Variants in PARPBP observed in about 807,000 individuals in gnomAD.
PARPBP encodes PCNA-interacting partner.
Under a neutral mutation model 50.0 loss-of-function variants are expected in PARPBP, and 52 were observed. The observed-to-expected ratio is 1.04, with a 90% CI of 0.83 to 1.31. The LOEUF is 1.31. PARPBP is among the 50% of genes most tolerant of loss of function. The probability of loss-of-function intolerance (pLI) is 0.00; values close to 1 mark genes in which losing one functional copy is unlikely to be tolerated. For synonymous variants in PARPBP, 244 were observed against 232.1 expected, an observed-to-expected ratio of 1.05 and a Z score of -0.47; for missense variants, 697 against 672.0, an observed-to-expected ratio of 1.04 and a Z score of -0.41.
chr12:102,179,638 C>A (rs912655123), intron 8 of PARPBP, among the ~76,000 whole-genome samples: 1 of 152,134 alleles, frequency 6.6e-6, no homozygotes, highest in Non-Finnish European at 1.5e-5. Context: ...TTGGATCCCA[C>A]CCATGTGACC....
chr12:102,166,589 C>T (rs1046578544), intron 6 of PARPBP, among the ~76,000 whole-genome samples: 2 of 152,084 alleles, frequency 1.3e-5, no homozygotes, highest in African/African-American at 4.8e-5. Flanking sequence ...ATTACAACAA[C>T]CTGACTTGAT....
At chr12:102,159,127 G>A (rs1278863493) in intron 4 of PARPBP, among the ~76,000 whole-genome samples, 1 of 152,042 alleles carries the variant, frequency 6.6e-6, no homozygotes, top group African/African-American at 2.4e-5. Context: ...TTGGAAGTCA[G>A]TGTATTTCTT....
At chr12:102,160,608 A>G (rs900538237) in intron 4 of PARPBP, among the ~76,000 whole-genome samples, 1 of 152,238 alleles carries the variant, frequency 6.6e-6, no homozygotes, top group African/African-American at 2.4e-5. Context: ...CTTGTGTAAT[A>G]GAAGTATTGT....
chr12:102,181,628 A>G (rs978040233), intron 8 of PARPBP, among the ~76,000 whole-genome samples: 2 of 152,204 alleles, frequency 1.3e-5, no homozygotes, highest in African/African-American at 2.4e-5. Context: ...ACATGACCGT[A>G]TTATAAACAA....
intron 2 of PARPBP, among the ~76,000 whole-genome samples, chr12:102,133,805 G>A (rs1883214458): frequency 6.6e-6 from 1 of 152,032 alleles, no homozygotes; most frequent in Non-Finnish European, 1.5e-5. Context: ...TCTGATTACA[G>A]TGGTATGAAA....
chr12:102,196,464 C>T lies in PARPBP; in HGVS notation c.*173C>T, dbSNP rs572027456. 1.2e-5 allele frequency: 9 copies of T among 721,486 alleles called. No individual in the cohort carries two copies. In the South Asian group the frequency reaches 1.6e-4, roughly 13 times the overall value. 44.7% of individuals were successfully genotyped at this position (721,486 alleles called of 1,614,324 possible). A position where few individuals can be genotyped will look rare whatever the true frequency, so the allele number is the denominator to read the frequency against. The stretch of plus-strand genomic sequence containing the variant: ...AAAATACTAGTAAGTCATAATTATG[C>T]AGAATTTTCACAAAGTTTAATGCAC... On this transcript the variant is annotated 3_prime_UTR_variant, in exon 11 of 11. Coordinates refer to ENST00000327680, the MANE Select transcript of PARPBP (RefSeq NM_017915.5).
chr12:102,150,257 G>T (rs996821121), intron 3 of PARPBP: 2 of 455,084 alleles, frequency 4.4e-6, no homozygotes, highest in Non-Finnish European at 4.4e-6. Flanking sequence ...ACTATTGTTT[G>T]TTCTAGGGAA....
chr12:102,185,350 C>G (rs775689646), intron 9 of PARPBP, among the ~76,000 whole-genome samples: 2 of 152,082 alleles, frequency 1.3e-5, no homozygotes, highest in Admixed American at 6.6e-5. Flanking sequence ...TTGCATATGT[C>G]GAACCATTCT....
intron 2 of PARPBP, among the ~76,000 whole-genome samples, chr12:102,141,440 A>G (rs964015012): frequency 2.1e-4 from 32 of 152,014 alleles, no homozygotes; most frequent in African/African-American, 7.2e-4. Context: ...TCTTTATCCA[A>G]TTTGCCAGTC....
intron 1 of PARPBP, among the ~76,000 whole-genome samples, chr12:102,122,787 T>G (rs768722602): frequency 6.6e-6 from 1 of 152,208 alleles, no homozygotes; most frequent in Non-Finnish European, 1.5e-5. Flanking sequence ...ACGTGGAGGT[T>G]ATTAGGTAAA....
Position 102,196,763 on chromosome 12 carries a change from A to G in PARPBP, c.*472A>G. On this transcript the variant is annotated 3_prime_UTR_variant, in exon 11 of 11. Coordinates refer to ENST00000327680, the MANE Select transcript of PARPBP (RefSeq NM_017915.5). The stretch of plus-strand genomic sequence containing the variant: ...TATAATTATCACACAAAATTTATTA[A>G]GAAAAAAAGAATGGATCTAGTATAA... The G allele has an allele frequency of 7.6e-7, 1 of 1,318,214 alleles. No homozygotes were observed. Among genetic ancestry groups the G allele is most frequent in the South Asian group, 1.2e-5 (1 of 82,870 alleles). The allele number at this position is 1,318,214 out of a possible 1,614,324, so 81.7% of individuals were successfully genotyped here.
At chr12:102,140,489 T>A (rs923636854) in intron 2 of PARPBP, among the ~76,000 whole-genome samples, 1 of 152,202 alleles carries the variant, frequency 6.6e-6, no homozygotes, top group Non-Finnish European at 1.5e-5. Context: ...TTCCTTCAGT[T>A]GTGCTCTGAT....
chr12:102,181,085 A>G (rs976044164), intron 8 of PARPBP, among the ~76,000 whole-genome samples: 1 of 152,010 alleles, frequency 6.6e-6, no homozygotes, highest in African/African-American at 2.4e-5. Flanking sequence ...TCCTATTTCT[A>G]TGTTTTTCTC....
At chr12:102,160,710 A>G (rs1174194485) in intron 4 of PARPBP, among the ~76,000 whole-genome samples, 1 of 152,200 alleles carries the variant, frequency 6.6e-6, no homozygotes, top group Non-Finnish European at 1.5e-5. Flanking sequence ...GCACTTTGGG[A>G]GGCTGAGGCA....
At position 102,197,374 on chromosome 12, in the gene PARPBP, G is replaced by T; in HGVS notation, c.*1083G>T. On this transcript the variant is annotated 3_prime_UTR_variant, in exon 11 of 11. Coordinates refer to ENST00000327680, the MANE Select transcript of PARPBP (RefSeq NM_017915.5). Reference sequence around the variant, plus strand: ...CTGGGATGGAAGAACTACCTGGCATGTAAGAAATATCGTCAGTCGTCCTAA... The same window carrying T: ...CTGGGATGGAAGAACTACCTGGCATTTAAGAAATATCGTCAGTCGTCCTAA... 1 of 833,850 alleles carries T rather than the reference G, an allele frequency of 1.2e-6. No individual in the cohort carries two copies. Among genetic ancestry groups the T allele is most frequent in the Non-Finnish European group, 1.9e-6 (1 of 539,538 alleles). The allele number at this position is 833,850 out of a possible 1,614,324, so 51.7% of individuals were successfully genotyped here.
chr12:102,175,705 A>C, intron 7 of PARPBP, 39 bp downstream of exon 7: 1 of 1,268,310 alleles, frequency 7.9e-7, no homozygotes, highest in Middle Eastern at 1.9e-4. Flanking sequence ...TTTTATACAA[A>C]TCATTATCTC....
At chr12:102,156,175 C>CTTT (rs1565879054) in intron 4 of PARPBP, among the ~76,000 whole-genome samples, 4 of 90,192 alleles carry the variant, frequency 4.4e-5, no homozygotes, top group South Asian at 3.2e-4. Flanking sequence ...AATTAACCTT[C>CTTT]CTTTTTTTTT....
At chr12:102,154,517 C>G (rs559835079) in intron 4 of PARPBP, among the ~76,000 whole-genome samples, 3 of 152,114 alleles carry the variant, frequency 2.0e-5, no homozygotes, top group Non-Finnish European at 4.4e-5. Context: ...GTAGTACTTA[C>G]GAAAACGGGG....
chr12:102,194,369 G>C (rs1891069694), intron 9 of PARPBP, among the ~76,000 whole-genome samples: 1 of 151,828 alleles, frequency 6.6e-6, no homozygotes, highest in African/African-American at 2.4e-5. Context: ...GTCTATGTCA[G>C]AAAATGATTT....
Sources: gnomAD v4.1 joint callset for allele counts (sites outside exome capture counted in the v4.1 genomes callset) on GRCh38, gnomAD v4.1.1 for gene constraint, MANE v1.5 for transcripts, NCBI Gene and HGNC (gene_info 2026-07-23, HGNC 2026-07-21) for gene names.